Variants in NBAS observed in about 807,000 individuals in gnomAD.
NBAS encodes NAG/BC035112 fusion.
NBAS carries 219 observed loss-of-function variants against 302.5 expected under a neutral mutation model. The ratio of observed to expected loss-of-function variants is 0.72; its 90% CI spans 0.65 to 0.81. The LOEUF (loss-of-function observed/expected upper bound fraction) is 0.81. Among genes scored for constraint, NBAS ranks in the 30% least tolerant of loss-of-function variants. The probability of loss-of-function intolerance (pLI) is 0.00; values close to 1 mark genes in which losing one functional copy is unlikely to be tolerated. For synonymous variants in NBAS, 1,118 were observed against 1,021.6 expected, an observed-to-expected ratio of 1.09 and a Z score of -1.80; for missense variants, 2,932 against 2,841.6, an observed-to-expected ratio of 1.03 and a Z score of -0.72.
chr2:15,059,716 T>A, the NBAS span, among the ~76,000 whole-genome samples: 6 of 152,238 alleles, frequency 3.9e-5, no homozygotes, highest in South Asian at 1.0e-3. Flanking sequence ...CTGTCTCTCA[T>A]GAGAACAGGC....
At chr2:14,786,432 C>A in the NBAS span, among the ~76,000 whole-genome samples, 50 of 152,204 alleles carry the variant, frequency 3.3e-4, no homozygotes, top group Non-Finnish European at 5.4e-4. Context: ...AATTTTGGAT[C>A]TTTCCTGCTT....
chr2:14,843,830 C>T, the NBAS span, among the ~76,000 whole-genome samples: 2 of 152,130 alleles, frequency 1.3e-5, no homozygotes, highest in Admixed American at 1.3e-4. Context: ...AAAGCAAAAC[C>T]ATACTGAACT....
chr2:15,234,942 T>A (rs1271349051), intron 45 of NBAS, among the ~76,000 whole-genome samples, 195 bp from the exon 46 acceptor site: 1 of 152,224 alleles, frequency 6.6e-6, no homozygotes, highest in African/African-American at 2.4e-5. Context: ...ATTCTGGCTT[T>A]ACCATTTATT....
chr2:15,043,741 A>G, the NBAS span, among the ~76,000 whole-genome samples: 4 of 152,216 alleles, frequency 2.6e-5, no homozygotes, highest in African/African-American at 9.6e-5. Flanking sequence ...CAGCAATTAG[A>G]AAACCTGGGT....
chr2:15,149,118 T>C, the NBAS span, among the ~76,000 whole-genome samples: 1 of 152,224 alleles, frequency 6.6e-6, no homozygotes, highest in African/African-American at 2.4e-5. Flanking sequence ...GTAACGGTGT[T>C]GAGAGGTGGA....
At chr2:15,133,395 A>C in the NBAS span, among the ~76,000 whole-genome samples, 1 of 152,142 alleles carries the variant, frequency 6.6e-6, no homozygotes, top group Non-Finnish European at 1.5e-5. Flanking sequence ...TTAGAGATGA[A>C]ATATATCTGA....
intron 42 of NBAS, among the ~76,000 whole-genome samples, chr2:15,285,302 T>G (rs1377335519): frequency 6.6e-5 from 10 of 152,302 alleles, no homozygotes; most frequent in Non-Finnish European, 1.2e-4. Flanking sequence ...CACTCAATAC[T>G]CACTCCCTTT....
intron 29 of NBAS, among the ~76,000 whole-genome samples, chr2:15,381,585 G>T (rs958947963): frequency 1.3e-5 from 2 of 152,116 alleles, no homozygotes; most frequent in Non-Finnish European, 2.9e-5. Flanking sequence ...TTTGCAATCA[G>T]AATCAGAAAC....
At chr2:14,926,626 A>G in the NBAS span, among the ~76,000 whole-genome samples, 1 of 152,224 alleles carries the variant, frequency 6.6e-6, no homozygotes, top group Non-Finnish European at 1.5e-5. Flanking sequence ...TTTTAAGTGT[A>G]CAATTCACTT....
the NBAS span, among the ~76,000 whole-genome samples, chr2:14,786,062 G>T: frequency 1.3e-5 from 2 of 152,176 alleles, no homozygotes; most frequent in Non-Finnish European, 2.9e-5. Context: ...GGGTGTATGT[G>T]TCAAGGAATT....
the NBAS span, among the ~76,000 whole-genome samples, chr2:14,851,144 G>A: frequency 1.4e-3 from 183 of 132,066 alleles, 13 homozygotes; most frequent in Middle Eastern, 3.5e-3. Context: ...TCCAGGAGCT[G>A]GTTTTTTGAA....
chr2:15,156,848 C>T, the NBAS span, among the ~76,000 whole-genome samples: 1 of 152,170 alleles, frequency 6.6e-6, no homozygotes, highest in Non-Finnish European at 1.5e-5. Context: ...ATAATTTCCG[C>T]TGCCTCTATG....
At chr2:15,510,425 G>A (rs1662084522) in intron 10 of NBAS, among the ~76,000 whole-genome samples, 1 of 152,032 alleles carries the variant, frequency 6.6e-6, no homozygotes, top group African/African-American at 2.4e-5. Flanking sequence ...GGAGATAGTG[G>A]GACCCCAAAA....
At chr2:15,423,428 T>C (rs1677305081) in intron 23 of NBAS, among the ~76,000 whole-genome samples, 1 of 152,202 alleles carries the variant, frequency 6.6e-6, no homozygotes, top group East Asian at 1.9e-4. Flanking sequence ...AAATCTATCA[T>C]GTGGAAGCAC....
intron 29 of NBAS, among the ~76,000 whole-genome samples, chr2:15,381,639 C>T (rs1434388568): frequency 6.6e-6 from 1 of 152,166 alleles, no homozygotes; most frequent in Non-Finnish European, 1.5e-5. Context: ...CAAACACTAC[C>T]TCAAACACAC....
chr2:15,411,813 G>T (rs1484616426), intron 25 of NBAS, among the ~76,000 whole-genome samples: 3 of 152,084 alleles, frequency 2.0e-5, no homozygotes, highest in Non-Finnish European at 4.4e-5. Context: ...ATTGAGCATA[G>T]AAAATGCTAA....
At chr2:15,055,677 C>T in the NBAS span, among the ~76,000 whole-genome samples, 66 of 152,118 alleles carry the variant, frequency 4.3e-4, no homozygotes, top group African/African-American at 1.1e-3. Context: ...GGTGTGTGCA[C>T]GGTCTATGGC....
In NBAS at chr2:15,341,394, A is replaced by G. The variant is rs141411743; in HGVS notation, c.4179+10598T>C. ...GAGCGAGACACTATCTCTAATAAATAAATAAATGAATAAATAAATAAATAA... is the reference window on the plus strand; with the variant it reads ...GAGCGAGACACTATCTCTAATAAATGAATAAATGAATAAATAAATAAATAA... On this transcript the variant is annotated intron_variant, in intron 35 of 51. Transcript: ENST00000281513. Among the ~76,000 whole-genome samples the G allele has an allele frequency of 6.6e-5, 9 of 136,246 alleles. No homozygotes were observed. In the East Asian group the frequency reaches 9.9e-4, roughly 15 times the overall value. The allele number at this position is 136,246 out of a possible 152,430, so 89.4% of individuals were successfully genotyped here.
chr2:15,148,616 C>T, the NBAS span, among the ~76,000 whole-genome samples: 6 of 152,038 alleles, frequency 3.9e-5, no homozygotes, highest in African/African-American at 1.2e-4. Context: ...AGGAGGTTTA[C>T]GGAAGATTAA....
Sources: allele counts gnomAD v4.1 joint callset (sites outside exome capture counted in the v4.1 genomes callset), GRCh38; gene constraint gnomAD v4.1.1; transcripts MANE v1.5; gene names NCBI Gene and HGNC (gene_info 2026-07-23, HGNC 2026-07-21).